Variants in MEGF11 observed in about 807,000 individuals in gnomAD.
MEGF11 encodes the protein multiple epidermal growth factor-like domains protein 11.
MEGF11 carries 126 observed loss-of-function variants against 146.6 expected under a neutral mutation model. The ratio of observed to expected loss-of-function variants is 0.86; its 90% CI spans 0.74 to 1.00. The LOEUF is 1.00. Among genes scored for constraint, MEGF11 ranks in the 50% least tolerant of loss-of-function variants. The pLI, the probability that MEGF11 is intolerant of heterozygous loss-of-function variation, is 0.00. For synonymous variants in MEGF11, 532 were observed against 583.4 expected, an observed-to-expected ratio of 0.91 and a Z score of 1.27; for missense variants, 1,509 against 1,521.2, an observed-to-expected ratio of 0.99 and a Z score of 0.13.
At chr15:65,908,984 G>T in intron 23 of MEGF11, 50 bp downstream of exon 23, 2 of 1,205,440 alleles carry the variant, frequency 1.7e-6, no homozygotes, top group African/African-American at 1.5e-5. Flanking sequence ...TAGGGCAGGT[G>T]CTGGGTCTGG....
chr15:65,929,954 G>T, intron 11 of MEGF11, 71 bp from the exon 12 acceptor site: 1 of 1,431,450 alleles, frequency 7.0e-7, no homozygotes, highest in Non-Finnish European at 9.5e-7. Flanking sequence ...ACTCCCCCCA[G>T]CTCTGCACAC....
chr15:66,012,840 T>G (rs1274827021), intron 5 of MEGF11, among the ~76,000 whole-genome samples: 1 of 152,160 alleles, frequency 6.6e-6, no homozygotes, highest in Non-Finnish European at 1.5e-5. Flanking sequence ...CATCCCAGAC[T>G]TTGCCAGCTT....
chr15:65,983,153 T>C (rs2081722077), intron 5 of MEGF11, among the ~76,000 whole-genome samples: 2 of 152,186 alleles, frequency 1.3e-5, no homozygotes, highest in African/African-American at 4.8e-5. Flanking sequence ...CTACGCCCCC[T>C]GGTTGCTTCA....
At chr15:66,022,876 G>T (rs956606687) in intron 5 of MEGF11, among the ~76,000 whole-genome samples, 5 of 149,440 alleles carry the variant, frequency 3.3e-5, no homozygotes, top group African/African-American at 7.4e-5. Context: ...TTGGTTGGGG[G>T]TAGTGGCTCA....
chr15:66,010,742 G>A (rs2082685652), intron 5 of MEGF11, among the ~76,000 whole-genome samples: 1 of 152,202 alleles, frequency 6.6e-6, no homozygotes, highest in Admixed American at 6.5e-5. Context: ...ATGTCTAGAT[G>A]TTTTCTTAAA....
intron 1 of MEGF11, among the ~76,000 whole-genome samples, chr15:66,237,799 T>C (rs1007680389): frequency 6.6e-6 from 1 of 152,230 alleles, no homozygotes. Flanking sequence ...CACTCCTGAA[T>C]GATAAGTGAA....
Position 66,097,842 on chromosome 15 carries a change from G to T in MEGF11, c.302-3348C>A, listed in dbSNP as rs1010063448. Among the ~76,000 whole-genome samples, 4 of 152,078 alleles carry T rather than the reference G, an allele frequency of 2.6e-5. No homozygotes were observed. In the East Asian group the frequency reaches 5.8e-4, roughly 22 times the overall value. ...CGAGGTTTGCACCCACACGTGTGAT[G>T]CCAAAAGCCTGCTCGCACAGGGTAA... On this transcript the variant is annotated intron_variant, in intron 4 of 25. Coordinates refer to ENST00000395614, the MANE Select transcript of MEGF11 (RefSeq NM_001385028.1).
At chr15:66,232,364 G>C (rs1009621274) in intron 1 of MEGF11, among the ~76,000 whole-genome samples, 4 of 152,164 alleles carry the variant, frequency 2.6e-5, no homozygotes, top group Admixed American at 6.5e-5. Flanking sequence ...CAGCTGGACC[G>C]GCCCCAGTCA....
chr15:66,226,543 C>T (rs1190577545), intron 1 of MEGF11, among the ~76,000 whole-genome samples: 1 of 152,194 alleles, frequency 6.6e-6, no homozygotes, highest in Non-Finnish European at 1.5e-5. Flanking sequence ...CCACTGCACC[C>T]AGCCCCTTAA....
chr15:66,185,786 G>A (rs1378430209), intron 1 of MEGF11, among the ~76,000 whole-genome samples: 1 of 152,196 alleles, frequency 6.6e-6, no homozygotes, highest in East Asian at 1.9e-4. Flanking sequence ...CAGAGCCAGG[G>A]AGCAGGCTTG....
intron 5 of MEGF11, among the ~76,000 whole-genome samples, chr15:66,072,146 G>T (rs1462465466): frequency 2.0e-5 from 3 of 152,192 alleles, no homozygotes; most frequent in African/African-American, 7.2e-5. Context: ...TAGATAGAAG[G>T]CATTGTGTGA....
At chr15:65,963,545 A>G (rs1869645666) in intron 9 of MEGF11, among the ~76,000 whole-genome samples, 1 of 152,060 alleles carries the variant, frequency 6.6e-6, no homozygotes, top group African/African-American at 2.4e-5. Flanking sequence ...CCTAGTAGTA[A>G]CCCAAATAAA....
chr15:66,070,693 G>A (rs1172127425), intron 5 of MEGF11, among the ~76,000 whole-genome samples: 3 of 151,960 alleles, frequency 2.0e-5, no homozygotes, highest in Admixed American at 6.5e-5. Context: ...TCCCCACCCC[G>A]CAGCAGCGGG....
intron 8 of MEGF11, among the ~76,000 whole-genome samples, chr15:65,965,635 CTATT>C (rs2081065955): frequency 2.3e-5 from 1 of 44,054 alleles, no homozygotes. Flanking sequence ...TTTGGCTCTT[CTATT>C]CTTTTCGCCC....
At chr15:66,220,241 A>G (rs1361347737) in intron 1 of MEGF11, among the ~76,000 whole-genome samples, 8 of 150,578 alleles carry the variant, frequency 5.3e-5, no homozygotes, top group African/African-American at 1.7e-4. Context: ...CGTTTTAAGA[A>G]CCCCCCACCC....
intron 8 of MEGF11, among the ~76,000 whole-genome samples, chr15:65,969,369 G>T (rs1359527316): frequency 6.6e-6 from 1 of 152,276 alleles, no homozygotes; most frequent in African/African-American, 2.4e-5. Context: ...TGGGGAGATG[G>T]TGAGGATGGG....
At chr15:66,233,456 G>A (rs1446677675) in intron 1 of MEGF11, among the ~76,000 whole-genome samples, 1 of 152,080 alleles carries the variant, frequency 6.6e-6, no homozygotes, top group Non-Finnish European at 1.5e-5. Flanking sequence ...GGCTGGTCTC[G>A]AACTCCTGAC....
At chr15:66,061,406 A>C (rs979679396) in intron 5 of MEGF11, among the ~76,000 whole-genome samples, 1 of 152,146 alleles carries the variant, frequency 6.6e-6, no homozygotes, top group Admixed American at 6.5e-5. Context: ...CGTCAGACTT[A>C]GCCTCCTTTA....
chr15:66,017,484 G>A (rs2082928555), intron 5 of MEGF11, among the ~76,000 whole-genome samples: 1 of 152,210 alleles, frequency 6.6e-6, no homozygotes, highest in African/African-American at 2.4e-5. Flanking sequence ...ATGGGGCCAG[G>A]TCTGTCTAGC....
Sources: gnomAD v4.1 joint callset for allele counts (sites outside exome capture counted in the v4.1 genomes callset) on GRCh38, gnomAD v4.1.1 for gene constraint, MANE v1.5 for transcripts, NCBI Gene and HGNC (gene_info 2026-07-23, HGNC 2026-07-21) for gene names.